The following AKT3 variants were observed in gnomAD, a reference collection of about 807,000 sequenced individuals.
AKT3 encodes RAC-gamma serine/threonine-protein kinase.
AKT3 carries 15 observed loss-of-function variants against 65.3 expected under a neutral mutation model. The observed-to-expected ratio is 0.23, with a 90% CI of 0.15 to 0.35. The LOEUF (loss-of-function observed/expected upper bound fraction) is 0.35, where lower values mean the gene tolerates loss of function less well. Among genes scored for constraint, AKT3 ranks in the 10% least tolerant of loss-of-function variants. The pLI, the probability that AKT3 is intolerant of heterozygous loss-of-function variation, is 1.00. For missense variants in AKT3, 243 were observed against 576.5 expected, an observed-to-expected ratio of 0.42 and a Z score of 5.92; for synonymous variants, 206 against 183.8, an observed-to-expected ratio of 1.12 and a Z score of -0.98.
chr1:243,773,998 G>C (rs1690375973), intron 2 of AKT3, among the ~76,000 whole-genome samples: 1 of 152,096 alleles, frequency 6.6e-6, no homozygotes, highest in Non-Finnish European at 1.5e-5. Flanking sequence ...CTTTTGAACA[G>C]AGTGAACAGA....
At chr1:243,496,329 C>CGAGGCG (rs1558555850), downstream of AKT3, among the ~76,000 whole-genome samples, 1 of 152,150 alleles carries the variant, frequency 6.6e-6, no homozygotes, top group African/African-American at 2.4e-5. Context: ...GCCCAGAACA[C>CGAGGCG]GAGGCGGAGG....
chr1:243,531,852 A>C (rs1671554616), intron 12 of AKT3, among the ~76,000 whole-genome samples: 1 of 152,140 alleles, frequency 6.6e-6, no homozygotes, highest in Admixed American at 6.5e-5. Flanking sequence ...TTTATTCCTA[A>C]GACATTTTTT....
chr1:243,622,516 C>T lies in AKT3; in HGVS notation c.562-7355G>A, dbSNP rs370822029. Reference sequence around the variant, plus strand: ...AGGAGAGGAGTTTGTCAGTTTTATTCGTTCAAATGGTCCCAGTGCCTAGAG... The same window carrying T: ...AGGAGAGGAGTTTGTCAGTTTTATTTGTTCAAATGGTCCCAGTGCCTAGAG... On this transcript the variant is annotated intron_variant, in intron 6 of 13. Coordinates refer to ENST00000673466, the MANE Select transcript of AKT3 (RefSeq NM_005465.7). Among the ~76,000 whole-genome samples, 22 of 152,138 alleles carry T rather than the reference C, an allele frequency of 1.4e-4. No individual in the cohort carries two copies. The East Asian group carries it at 2.5e-3, about 17-fold the overall frequency.
chr1:243,495,320 G>A (rs113514798), downstream of AKT3, among the ~76,000 whole-genome samples: 1,165 of 152,312 alleles, frequency 7.6e-3, 19 homozygotes, highest in African/African-American at 0.026. Flanking sequence ...TCTGCAAGGC[G>A]GCCTTCTCTG....
chr1:243,848,498 C>T (rs1298351127), intron 1 of AKT3, among the ~76,000 whole-genome samples: 2 of 152,170 alleles, frequency 1.3e-5, no homozygotes, highest in Non-Finnish European at 2.9e-5. Context: ...TCTTCATTTC[C>T]TACACCATCT....
intron 4 of AKT3, among the ~76,000 whole-genome samples, chr1:243,649,739 G>A (rs569230220): frequency 4.6e-4 from 70 of 152,232 alleles, no homozygotes; most frequent in Non-Finnish European, 9.0e-4. Context: ...CAAAGGACAT[G>A]AACTCATCCT....
intron 3 of AKT3, among the ~76,000 whole-genome samples, chr1:243,675,709 T>A (rs896259242): frequency 6.6e-6 from 1 of 152,234 alleles, no homozygotes; most frequent in Non-Finnish European, 1.5e-5. Flanking sequence ...CTTGTTCTCA[T>A]TTTCATTTCT....
intron 4 of AKT3, among the ~76,000 whole-genome samples, chr1:243,663,505 G>T (rs2147915993): frequency 6.6e-6 from 1 of 151,974 alleles, no homozygotes; most frequent in African/African-American, 2.4e-5. Flanking sequence ...AAGAGTTCGG[G>T]GACCCATACC....
At chr1:243,585,542 A>T (rs951310811) in intron 8 of AKT3, among the ~76,000 whole-genome samples, 1 of 152,138 alleles carries the variant, frequency 6.6e-6, no homozygotes, top group African/African-American at 2.4e-5. Context: ...AAAAACAGAC[A>T]CAAAGGCCAA....
intron 2 of AKT3, among the ~76,000 whole-genome samples, chr1:243,754,914 T>C (rs1276795971): frequency 2.0e-5 from 3 of 152,138 alleles, no homozygotes; most frequent in African/African-American, 7.2e-5. Flanking sequence ...CGAGGAAGAA[T>C]GATCGGGTTC....
intron 2 of AKT3, among the ~76,000 whole-genome samples, chr1:243,826,684 T>C (rs777313552): frequency 8.5e-5 from 13 of 152,226 alleles, no homozygotes; most frequent in Admixed American, 5.2e-4. Flanking sequence ...CAATCTCTGA[T>C]GATTCTATCC....
intron 13 of AKT3, among the ~76,000 whole-genome samples, chr1:243,490,127 T>G (rs1666029835): frequency 6.6e-6 from 1 of 152,232 alleles, no homozygotes. Context: ...AAGAGGAGTC[T>G]CATTCTCCTC....
intron 2 of AKT3, among the ~76,000 whole-genome samples, chr1:243,821,981 C>T (rs963497538): frequency 6.6e-6 from 1 of 152,188 alleles, no homozygotes; most frequent in Non-Finnish European, 1.5e-5. Context: ...AATATACATT[C>T]TTCTTGGTGC....
chr1:243,531,501 T>A (rs995681326), intron 12 of AKT3, among the ~76,000 whole-genome samples: 3 of 152,188 alleles, frequency 2.0e-5, no homozygotes, highest in African/African-American at 7.2e-5. Context: ...ATATATATAT[T>A]TTGTCATAAA....
At chr1:243,811,591 A>AAC in intron 2 of AKT3, among the ~76,000 whole-genome samples, 1 of 152,318 alleles carries the variant, frequency 6.6e-6, no homozygotes, top group African/African-American at 2.4e-5. Context: ...AAATGGCCAT[A>AAC]CTGCCCAAGG....
intron 8 of AKT3, among the ~76,000 whole-genome samples, chr1:243,585,769 C>T (rs1675755890): frequency 6.6e-6 from 1 of 152,084 alleles, no homozygotes; most frequent in Admixed American, 6.6e-5. Context: ...AAACGTAAAA[C>T]CTCAAACTAT....
At chr1:243,545,958 A>ATAAG in intron 11 of AKT3, among the ~76,000 whole-genome samples, 1 of 152,184 alleles carries the variant, frequency 6.6e-6, no homozygotes, top group East Asian at 1.9e-4. Context: ...AGGGTTAGAA[A>ATAAG]CAACATAGGA....
At chr1:243,522,934 C>G (rs1229158297) in intron 12 of AKT3, among the ~76,000 whole-genome samples, 2 of 152,142 alleles carry the variant, frequency 1.3e-5, no homozygotes, top group Non-Finnish European at 2.9e-5. Context: ...CAGCCACAGC[C>G]ACTCTCTTAA....
chr1:243,763,720 G>C (rs181371605), intron 2 of AKT3, among the ~76,000 whole-genome samples: 36 of 152,160 alleles, frequency 2.4e-4, no homozygotes, highest in Non-Finnish European at 4.6e-4. Context: ...ATATAATTTT[G>C]TAAGTATATT....
Sources: allele counts gnomAD v4.1 joint callset (sites outside exome capture counted in the v4.1 genomes callset), GRCh38; gene constraint gnomAD v4.1.1; transcripts MANE v1.5; gene names NCBI Gene and HGNC (gene_info 2026-07-23, HGNC 2026-07-21).